The following TXLNG variants were observed in gnomAD, a reference collection of about 807,000 sequenced individuals.
The protein encoded by TXLNG is taxilin gamma.
Under a neutral mutation model 38.8 loss-of-function variants are expected in TXLNG, and 5 were observed. That is an observed-to-expected ratio of 0.13 (90% confidence interval 0.07 to 0.27). TXLNG has a LOEUF of 0.27. Among genes scored for constraint, TXLNG ranks in the 10% least tolerant of loss-of-function variants. The pLI, the probability that TXLNG is intolerant of heterozygous loss-of-function variation, is 1.00. For missense variants in TXLNG, 393 were observed against 398.2 expected, an observed-to-expected ratio of 0.99 and a Z score of 0.11; for synonymous variants, 182 against 158.2, an observed-to-expected ratio of 1.15 and a Z score of -1.13.
In TXLNG at chrX:16,834,309, G is replaced by A. The variant is rs770532661; in HGVS notation, c.1011G>A (p.Arg337=). The A allele has an allele frequency of 2.5e-6, 3 of 1,208,124 alleles. No homozygotes were observed. The highest frequency in any genetic ancestry group is 3.6e-5 in the South Asian group (2 of 55,998). Residue 337 remains arginine, a synonymous_variant, in exon 7 of 10, where the codon AGG becomes AGA. Coordinates refer to ENST00000380122, the MANE Select transcript of TXLNG (RefSeq NM_018360.3). ...EFLLKEATES[R]HKYEQMKQQE... is the part of the protein sequence containing the mutation. Reference sequence around the variant, plus strand: ...TATTAAAAGAAGCGACAGAATCGAGGCACAAATACGAACAAATGAAACAGC... The same window carrying A: ...TATTAAAAGAAGCGACAGAATCGAGACACAAATACGAACAAATGAAACAGC...
Position 16,829,737 on chromosome X carries a change from G to A in TXLNG, c.831G>A (p.Lys277=), listed in dbSNP as rs772800670. The change falls in exon 5 of 10, where the codon AAG becomes AAA. Residue 277 remains lysine (K), a synonymous_variant. Transcript: ENST00000380122. The part of the protein sequence containing the change: ...QENIELGEKL[K]KLIEQYALRE... The stretch of plus-strand genomic sequence containing the variant: ...ACATTGAGCTGGGGGAGAAGCTAAA[G>A]AAGCTCATCGAACAGTACGCACTGA... The A allele has an allele frequency of 2.5e-6, 3 of 1,211,847 alleles. No homozygotes were observed. Among genetic ancestry groups the A allele is most frequent in the Non-Finnish European group, 3.3e-6 (3 of 895,574 alleles).
intron 1 of TXLNG, among the ~76,000 whole-genome samples, chrX:16,797,541 G>GA (rs1389994835): frequency 8.9e-6 from 1 of 112,282 alleles, no homozygotes; most frequent in East Asian, 2.8e-4. Flanking sequence ...CTGTTGGACT[G>GA]AGGCCTCAGT....
Position 16,841,602 on chromosome X carries a change from C to A in TXLNG, c.1423C>A (p.Pro475Thr), listed in dbSNP as rs773564832. The A allele has an allele frequency of 3.3e-6, 4 of 1,211,615 alleles. No homozygotes were observed. Among genetic ancestry groups the A allele is most frequent in the Non-Finnish European group, 4.5e-6 (4 of 895,550 alleles). Residue 475 changes from proline (P) to threonine (T), a missense_variant, in exon 10 of 10, where the codon CCT becomes ACT. Physicochemically the swap from Pro to Thr is conservative, Grantham distance 38. Transcript: ENST00000380122. The part of the protein sequence containing the change: ...IKAANRDLAT[P>T]VMQPCTALDS... ...AGCGGCGAACAGGGATTTAGCAACA[C>A]CTGTGATGCAGCCCTGTACTGCCCT...
intron 3 of TXLNG, among the ~76,000 whole-genome samples, chrX:16,822,791 C>G (rs900987597): frequency 8.9e-6 from 1 of 111,952 alleles, no homozygotes; most frequent in Non-Finnish European, 1.9e-5. Flanking sequence ...TGGTTGTTCT[C>G]AGACTCACAC....
chrX:16,841,745 G>T lies in TXLNG; in HGVS notation c.1566G>T (p.Pro522=). The T allele has an allele frequency of 8.3e-7, 1 of 1,210,108 alleles. No homozygotes were observed. The highest frequency in any genetic ancestry group is 1.1e-6 in the Non-Finnish European group (1 of 894,761). Residue 522 remains proline, a synonymous_variant, in exon 10 of 10, where the codon CCG becomes CCT. Coordinates refer to ENST00000380122, the MANE Select transcript of TXLNG (RefSeq NM_018360.3). ...VQKPPSTGSA[P]AIESVD Reference sequence around the variant, plus strand: ...AGCCCCCGTCCACAGGCTCTGCTCCGGCCATCGAGTCGGTTGACTAAGATG... The same window carrying T: ...AGCCCCCGTCCACAGGCTCTGCTCCTGCCATCGAGTCGGTTGACTAAGATG...
intron 1 of TXLNG, among the ~76,000 whole-genome samples, chrX:16,817,036 C>T (rs1928771367): frequency 1.8e-5 from 2 of 112,019 alleles, no homozygotes; most frequent in African/African-American, 6.5e-5. Flanking sequence ...GAACTTTATA[C>T]ATAAATGATT....
In TXLNG at chrX:16,790,558, T is replaced by G. The variant is rs570463991; in HGVS notation, c.102+3969T>G. On this transcript the variant is annotated intron_variant, in intron 1 of 9. Transcript: ENST00000380122. ...TTTCCAGCTTGTCTAAGGTTGGTATTTTTTTTCTTTACTAGATTTTTGCTT... is the reference window on the plus strand; with the variant it reads ...TTTCCAGCTTGTCTAAGGTTGGTATGTTTTTTCTTTACTAGATTTTTGCTT... Among the ~76,000 whole-genome samples, 12 of 111,540 alleles carry G rather than the reference T, an allele frequency of 1.1e-4. No homozygotes were observed. In the South Asian group the frequency reaches 4.5e-3, roughly 41 times the overall value.
rs1426378205 is a variant in TXLNG at position 16,842,193 on chromosome X, G to A, written c.*427G>A. On this transcript the variant is annotated 3_prime_UTR_variant, in exon 10 of 10. Coordinates refer to ENST00000380122, the MANE Select transcript of TXLNG (RefSeq NM_018360.3). ...TTATTCAGAAAAACAAAATACCAAG[G>A]CGATTAGTTTTGTCTAATAACCCAT... The A allele has an allele frequency of 9.3e-6, 1 of 107,296 alleles. No homozygotes were observed. The highest frequency in any genetic ancestry group is 1.9e-5 in the Non-Finnish European group (1 of 53,524). 8.8% of individuals were successfully genotyped at this position (107,296 alleles called of 1,213,427 possible).
intron 3 of TXLNG, among the ~76,000 whole-genome samples, chrX:16,821,669 T>C (rs1386640568): frequency 8.9e-6 from 1 of 112,498 alleles, no homozygotes; most frequent in East Asian, 2.8e-4. Flanking sequence ...CCATTACTTT[T>C]TTTTAAATCA....
At chrX:16,839,729 G>C in intron 8 of TXLNG, 92 bp from the exon 9 acceptor site, 2 of 588,267 alleles carry the variant, frequency 3.4e-6, no homozygotes, top group East Asian at 3.6e-5. Context: ...GGATGGGGGA[G>C]GGGAGGGGCA....
At position 16,818,489 on chromosome X, in the gene TXLNG, G is replaced by T. The variant is rs776805275; in HGVS notation, c.103-85G>T. On this transcript the variant is annotated intron_variant, in intron 1 of 9. Coordinates refer to ENST00000380122, the MANE Select transcript of TXLNG (RefSeq NM_018360.3). ...CCACTAAGGAAGAAAAAACTATCAGGCTATGATGTTCCATTGCTTGTAAAC... is the reference window on the plus strand; with the variant it reads ...CCACTAAGGAAGAAAAAACTATCAGTCTATGATGTTCCATTGCTTGTAAAC... 6.7e-6 allele frequency: 7 copies of T among 1,050,297 alleles called. No homozygotes were observed. The African/African-American group carries it at 1.1e-4, about 17-fold the overall frequency. The allele number at this position is 1,050,297 out of a possible 1,213,427, so 86.6% of individuals were successfully genotyped here.
Position 16,829,616 on chromosome X carries a change from G to A in TXLNG, c.710G>A (p.Arg237His), listed in dbSNP as rs757282957. ...MQQAREEEER[R>H]KEATAHFQIT... ...CAGGCACGAGAGGAAGAAGAACGAC[G>A]TAAAGAAGCAACTGCACATTTCCAG... Residue 237 changes from arginine to histidine, a missense_variant, in exon 5 of 10, where the codon CGT becomes CAT. By Grantham distance (29) the Arg-to-His change is conservative (BLOSUM62 0). Coordinates refer to ENST00000380122, the MANE Select transcript of TXLNG (RefSeq NM_018360.3). The A allele has an allele frequency of 7.4e-6, 9 of 1,211,591 alleles. No homozygotes were observed. The highest frequency in any genetic ancestry group is 2.2e-5 in the Admixed American group (1 of 45,975).
chrX:16,811,395 C>T (rs377000260), intron 1 of TXLNG, among the ~76,000 whole-genome samples: 1 of 110,515 alleles, frequency 9.0e-6, no homozygotes, highest in African/African-American at 3.3e-5. Flanking sequence ...TCCCTCTTGT[C>T]GCCCAGGCTA....
Position 16,830,697 on chromosome X carries a change from A to AT in TXLNG, c.864+937dup, listed in dbSNP as rs143160838. 8.9e-3 allele frequency among the ~76,000 whole-genome samples: 911 copies of AT among 101,837 alleles called. 7 individuals carry two copies. The highest frequency in any genetic ancestry group is 0.023 in the African/African-American group (632 of 28,024). The allele number at this position is 101,837 out of a possible 115,157, so 88.4% of individuals were successfully genotyped here. On this transcript the variant is annotated intron_variant, in intron 5 of 9. Transcript: ENST00000380122. ...TACATACAGCCCTTCAAAAACTGCT[A>AT]TTTTTTTTTTAAAGATTTTATTTTT...
intron 1 of TXLNG, among the ~76,000 whole-genome samples, chrX:16,812,793 G>A (rs1407015763): frequency 8.2e-5 from 7 of 84,906 alleles, no homozygotes; most frequent in Non-Finnish European, 1.6e-4. Context: ...CCTCTGCCTC[G>A]CAGGTTCTAG....
rs1057222043 is a variant in TXLNG at position 16,799,567 on chromosome X, T to G, written c.102+12978T>G. Among the ~76,000 whole-genome samples, 98 of 110,617 alleles carry G rather than the reference T, an allele frequency of 8.9e-4. 1 individual carries two copies. Among genetic ancestry groups the G allele is most frequent in the Non-Finnish European group, 1.2e-3 (62 of 52,759 alleles). ...GCGGGCGGATCACGAGGTCAGGAGT[T>G]CGAGACCAGCCTGGCCAACATGGTG... On this transcript the variant is annotated intron_variant, in intron 1 of 9. Transcript: ENST00000380122.
At chrX:16,795,697 C>T (rs1255098304) in intron 1 of TXLNG, among the ~76,000 whole-genome samples, 1 of 112,207 alleles carries the variant, frequency 8.9e-6, no homozygotes, top group African/African-American at 3.2e-5. Flanking sequence ...AGAACTTACC[C>T]TGCCTCCAAT....
chrX:16,834,295 G>T lies in TXLNG; in HGVS notation c.997G>T (p.Ala333Ser). ...TTCTGTTTTCTAGTTATTAAAAGAA[G>T]CGACAGAATCGAGGCACAAATACGA... Reference protein sequence around the residue: ...QREREFLLKEATESRHKYEQM... With the variant: ...QREREFLLKESTESRHKYEQM... Residue 333 changes from alanine (A) to serine (S), a missense_variant, in exon 7 of 10, where the codon GCG (alanine) becomes TCG (serine). Coordinates refer to ENST00000380122, the MANE Select transcript of TXLNG (RefSeq NM_018360.3). The T allele has an allele frequency of 8.3e-7, 1 of 1,207,823 alleles. No individual in the cohort carries two copies. The highest frequency in any genetic ancestry group is 2.2e-5 in the Admixed American group (1 of 45,515).
intron 1 of TXLNG, among the ~76,000 whole-genome samples, chrX:16,801,144 G>C (rs1226654966): frequency 8.9e-6 from 1 of 112,341 alleles, no homozygotes; most frequent in East Asian, 2.8e-4. Flanking sequence ...CCGTGAGCCA[G>C]TTAAGCCTCT....
Sources: allele counts gnomAD v4.1 joint callset (sites outside exome capture counted in the v4.1 genomes callset), GRCh38; gene constraint gnomAD v4.1.1; transcripts MANE v1.5; gene names NCBI Gene and HGNC (gene_info 2026-07-23, HGNC 2026-07-21).